The following XAGE3 variants were observed in gnomAD, a reference collection of about 807,000 sequenced individuals.
XAGE3 encodes the protein CT12.3.
In XAGE3, 6 loss-of-function variants were observed where a neutral mutation model predicts 9.2. The observed-to-expected ratio is 0.65, with a 90% CI of 0.36 to 1.29. The LOEUF is 1.29. Among genes scored for constraint, XAGE3 ranks in the 50% most tolerant of loss-of-function variants. XAGE3 has a pLI of 0.03. For synonymous variants in XAGE3, 26 were observed against 28.2 expected, an observed-to-expected ratio of 0.92 and a Z score of 0.25; for missense variants, 70 against 82.8, an observed-to-expected ratio of 0.85 and a Z score of 0.60.
At chrX:52,864,388 A>C (rs1188633615) in intron 4 of XAGE3, among the ~76,000 whole-genome samples, 2 of 112,794 alleles carry the variant, frequency 1.8e-5, no homozygotes, top group African/African-American at 6.4e-5. Context: ...GAATTTATGG[A>C]ATTCATCCAG....
chrX:52,865,176 G>A (rs1556784293), intron 3 of XAGE3, among the ~76,000 whole-genome samples: 1 of 111,296 alleles, frequency 9.0e-6, no homozygotes, highest in Admixed American at 9.6e-5. Flanking sequence ...CCTAAAGACT[G>A]CCCAATGGAT....
Position 52,866,494 on chromosome X carries a change from T to G in XAGE3, c.126A>C (p.Glu42Asp). The change falls in exon 3 of 5, where the codon GAA becomes GAC. Residue 42 changes from glutamate to aspartate, a missense_variant. By Grantham distance (45) the Glu-to-Asp change is conservative. Coordinates refer to ENST00000346279, the MANE Select transcript of XAGE3 (RefSeq NM_133179.3). ...CCTGACCAGGTGCAGGATCCCGACT[T>G]TCAGTTGGTGGTTCCTCTTGCTGAG... The part of the protein sequence containing the change: ...EEPQQEEPPT[E>D]SRDPAPGQER... 1 of 1,211,220 alleles carries G rather than the reference T, an allele frequency of 8.3e-7. No individual in the cohort carries two copies. Among genetic ancestry groups the G allele is most frequent in the Non-Finnish European group, 1.1e-6 (1 of 895,329 alleles).
In XAGE3 at chrX:52,864,774, C is replaced by T; in HGVS notation, c.313+1G>A. ...AAAGCACATAATAATGGATAGCATA[C>T]CTCCTTCTGGCATTTTAAATTGTTC... On this transcript the variant is annotated splice_donor_variant, in intron 4 of 4. Coordinates refer to ENST00000346279, the MANE Select transcript of XAGE3 (RefSeq NM_133179.3). LOFTEE classifies it high-confidence loss of function. 8.3e-7 allele frequency: 1 copy of T among 1,210,636 alleles called. No individual in the cohort carries two copies. Among genetic ancestry groups the T allele is most frequent in the Non-Finnish European group, 1.1e-6 (1 of 894,763 alleles).
At position 52,864,220 on chromosome X, in the gene XAGE3, G is replaced by C. The variant is rs781939449; in HGVS notation, c.313+555C>G. ...TTAGGAACCATGAAATCTCAACTCA[G>C]ATATTATAACTGGAGCGAAACTGAT... On this transcript the variant is annotated intron_variant, in intron 4 of 4. Transcript: ENST00000346279. Among the ~76,000 whole-genome samples, 147 of 112,369 alleles carry C rather than the reference G, an allele frequency of 1.3e-3. 2 individuals carry two copies. The highest frequency in any genetic ancestry group is 1.7e-3 in the Non-Finnish European group (93 of 53,189).
Position 52,866,521 on chromosome X carries a change from C to T in XAGE3, c.99G>A (p.Glu33=), listed in dbSNP as rs1927890856. The T allele has an allele frequency of 8.3e-7, 1 of 1,210,544 alleles. No individual in the cohort carries two copies. Among genetic ancestry groups the T allele is most frequent in the African/African-American group, 1.7e-5 (1 of 57,345 alleles). The change falls in exon 3 of 5, where the codon GAG becomes GAA. Residue 33 remains glutamate (E), a synonymous_variant. Coordinates refer to ENST00000346279, the MANE Select transcript of XAGE3 (RefSeq NM_133179.3). ...IGPMLEPGDE[E]PQQEEPPTES... ...CAGTTGGTGGTTCCTCTTGCTGAGG[C>T]TCCTCATCACCGGGCTCCTGGAACC... is the stretch of plus-strand genomic sequence containing the variant.
chrX:52,866,593 T>C, intron 2 of XAGE3, 55 bp from the exon 3 acceptor site: 2 of 985,769 alleles, frequency 2.0e-6, no homozygotes, highest in Admixed American at 5.1e-5. Context: ...AAAGTTTTGT[T>C]ATCGATACAT....
Position 52,866,520 on chromosome X carries a change from G to A in XAGE3, c.100C>T (p.Pro34Ser), listed in dbSNP as rs1334344905. 8.3e-7 allele frequency: 1 copy of A among 1,208,254 alleles called. No homozygotes were observed. The highest frequency in any genetic ancestry group is 1.8e-5 in the African/African-American group (1 of 56,610). ...GPMLEPGDEE[P>S]QQEEPPTESR... ...TCAGTTGGTGGTTCCTCTTGCTGAG[G>A]CTCCTCATCACCGGGCTCCTGGAAC... The change falls in exon 3 of 5, where the codon CCT becomes TCT. Residue 34 changes from proline to serine, a missense_variant. Pro to Ser is a moderately conservative substitution (Grantham distance 74). Transcript: ENST00000346279.
At chrX:52,862,902 C>T (rs181383193) in intron 4 of XAGE3, among the ~76,000 whole-genome samples, 88 of 114,441 alleles carry the variant, frequency 7.7e-4, no homozygotes, top group African/African-American at 2.7e-3. Context: ...CTTCAGAGCA[C>T]TTTAAATCAA....
rs1209138080 is a variant in XAGE3, at chrX:52,867,086, A to G, written c.48T>C (p.Ser16=). Residue 16 remains serine (S), a synonymous_variant, in exon 2 of 5, where the codon AGT becomes AGC. Coordinates refer to ENST00000346279, the MANE Select transcript of XAGE3 (RefSeq NM_133179.3). ...GCCCAATCAGCTCAGGAGGTGGTACACTTCTCCTCGGCCTAGGCCTATATG... is the reference window on the plus strand; with the variant it reads ...GCCCAATCAGCTCAGGAGGTGGTACGCTTCTCCTCGGCCTAGGCCTATATG... The part of the protein sequence containing the change: ...RSTYRPRPRR[S]VPPPELIGPM... 8.3e-7 allele frequency: 1 copy of G among 1,212,079 alleles called. No individual in the cohort carries two copies. Among genetic ancestry groups the G allele is most frequent in the Non-Finnish European group, 1.1e-6 (1 of 895,418 alleles).
At chrX:52,864,737 T>G in intron 4 of XAGE3, 38 bp downstream of exon 4, 1 of 1,200,658 alleles carries the variant, frequency 8.3e-7, no homozygotes. Flanking sequence ...AGTATAATAT[T>G]GTGGAAAACA....
intron 4 of XAGE3, 66 bp from the exon 5 acceptor site, chrX:52,862,706 AG>A: frequency 1.7e-6 from 2 of 1,180,200 alleles, no homozygotes; most frequent in Non-Finnish European, 2.3e-6. Context: ...CATTAAAGGT[AG>A]GCAAAGGACA....
chrX:52,864,968 T>G (rs1556784262), intron 3 of XAGE3, 68 bp from the exon 4 acceptor site: 13 of 1,158,038 alleles, frequency 1.1e-5, no homozygotes, highest in Non-Finnish European at 1.5e-5. Context: ...ATGATAATAT[T>G]CTTTTCCTCA....
At position 52,862,554 on chromosome X, in the gene XAGE3, T is replaced by G; in HGVS notation, c.*64A>C. On this transcript the variant is annotated 3_prime_UTR_variant, in exon 5 of 5. Transcript: ENST00000346279. Reference sequence around the variant, plus strand: ...TTGGAGAAAGCTGCAAAAGTTTATTTCGATATTTTTAAGTCAAATATCTTA... The same window carrying G: ...TTGGAGAAAGCTGCAAAAGTTTATTGCGATATTTTTAAGTCAAATATCTTA... 1 of 1,180,934 alleles carries G rather than the reference T, an allele frequency of 8.5e-7. No homozygotes were observed. Among genetic ancestry groups the G allele is most frequent in the Non-Finnish European group, 1.1e-6 (1 of 873,276 alleles).
intron 4 of XAGE3, 36 bp from the exon 5 acceptor site, chrX:52,862,676 G>A (rs1927771127): frequency 8.3e-7 from 1 of 1,208,078 alleles, no homozygotes; most frequent in Non-Finnish European, 1.1e-6. Flanking sequence ...AACATTAGTA[G>A]CAGAACTGTA....
chrX:52,867,089 T>C lies in XAGE3; in HGVS notation c.45A>G (p.Arg15=). Residue 15 remains arginine, a synonymous_variant, in exon 2 of 5, where the codon AGA becomes AGG. Coordinates refer to ENST00000346279, the MANE Select transcript of XAGE3 (RefSeq NM_133179.3). ...GRSTYRPRPR[R]SVPPPELIGP... ...CAATCAGCTCAGGAGGTGGTACACT[T>C]CTCCTCGGCCTAGGCCTATATGTTG... 2.5e-6 allele frequency: 3 copies of C among 1,211,756 alleles called. No individual in the cohort carries two copies. Among genetic ancestry groups the C allele is most frequent in the Non-Finnish European group, 3.4e-6 (3 of 895,342 alleles).
At chrX:52,862,768 C>A (rs1927775844) in intron 4 of XAGE3, 128 bp from the exon 5 acceptor site, 16 of 835,254 alleles carry the variant, frequency 1.9e-5, no homozygotes, top group Middle Eastern at 2.9e-4. Context: ...TAAGAGTAAC[C>A]TGATGGCTAA....
At chrX:52,863,151 G>A (rs1156821143) in intron 4 of XAGE3, among the ~76,000 whole-genome samples, 1 of 112,277 alleles carries the variant, frequency 8.9e-6, no homozygotes, top group Non-Finnish European at 1.9e-5. Context: ...TACTGCATTT[G>A]TTTTTTCTCT....
chrX:52,867,918 T>C (rs2807031), intron 1 of XAGE3, 88 bp downstream of exon 1: 19,601 of 111,005 alleles, frequency 0.18, 1,279 homozygotes, highest in Middle Eastern at 0.23. Context: ...GGCCACGGGC[T>C]ATGCTTTCCC....
rs1198479750 is a variant in XAGE3, at chrX:52,866,558, T to TGC, written c.82-21_82-20insGC. ...GGGCTCCTGGAACCAGGGGTGTGTG[T>TGC]GTGTGTGTGTGTGTGTGCAGATAAA... On this transcript the variant is annotated intron_variant, in intron 2 of 4. Transcript: ENST00000346279. 1.0e-5 allele frequency: 12 copies of TGC among 1,155,939 alleles called. No homozygotes were observed. The African/African-American group carries it at 2.2e-4, about 21-fold the overall frequency.
Sources: gnomAD v4.1 joint callset for allele counts (sites outside exome capture counted in the v4.1 genomes callset) on GRCh38, gnomAD v4.1.1 for gene constraint, MANE v1.5 for transcripts, NCBI Gene and HGNC (gene_info 2026-07-23, HGNC 2026-07-21) for gene names.